PARVA: variants seen among roughly 807,000 people sequenced by gnomAD.
PARVA encodes parvin alpha.
PARVA carries 25 observed loss-of-function variants against 52.6 expected under a neutral mutation model. That is an observed-to-expected ratio of 0.48 (90% CI 0.35 to 0.66). PARVA has a LOEUF of 0.66. Among genes scored for constraint, PARVA ranks in the 30% least tolerant of loss-of-function variants. The pLI is 0.01. For missense variants in PARVA, 373 were observed against 450.9 expected (o/e 0.83, Z 1.56); for synonymous variants, 185 against 179.1 (o/e 1.03, Z -0.26).
chr11:12,405,232 G>C (rs1354143044), intron 1 of PARVA, among the ~76,000 whole-genome samples: 1 of 152,188 alleles, frequency 6.6e-6, no homozygotes, highest in Non-Finnish European at 1.5e-5. Flanking sequence ...TCAGATTTTT[G>C]ATGTGAGATG....
chr11:12,470,873 T>TG (rs757557818), intron 1 of PARVA, among the ~76,000 whole-genome samples: 7 of 151,752 alleles, frequency 4.6e-5, no homozygotes, highest in Non-Finnish European at 1.0e-4. Flanking sequence ...TAGGTGAGAG[T>TG]GGGGGAAATG....
At chr11:12,378,714 G>C (rs1328103609) in intron 1 of PARVA, among the ~76,000 whole-genome samples, 1 of 151,138 alleles carries the variant, frequency 6.6e-6, no homozygotes, top group Non-Finnish European at 1.5e-5. Context: ...TGTGTAGATA[G>C]AAGTTGCTGA....
chr11:12,383,449 A>T (rs1049674012), intron 1 of PARVA, among the ~76,000 whole-genome samples: 3 of 152,184 alleles, frequency 2.0e-5, no homozygotes, highest in African/African-American at 7.2e-5. Context: ...TTACATTTTG[A>T]TCAGGACCTG....
At chr11:12,379,825 T>G (rs1188127137) in intron 1 of PARVA, among the ~76,000 whole-genome samples, 1 of 152,228 alleles carries the variant, frequency 6.6e-6, no homozygotes, top group East Asian at 1.9e-4. Flanking sequence ...TGGTGGCAAA[T>G]CATGAAACCC....
chr11:12,485,264 G>T (rs1941143766), intron 4 of PARVA, among the ~76,000 whole-genome samples: 1 of 152,158 alleles, frequency 6.6e-6, no homozygotes, highest in African/African-American at 2.4e-5. Flanking sequence ...TAGAGTCCAG[G>T]AGCCAGTGGG....
At chr11:12,484,599 TAATC>T (rs1430837076) in intron 4 of PARVA, among the ~76,000 whole-genome samples, 10 of 151,532 alleles carry the variant, frequency 6.6e-5, no homozygotes, top group Admixed American at 4.6e-4. Context: ...ACACTGATCT[TAATC>T]AGTCAGATAA....
chr11:12,480,532 A>G (rs1941073084), intron 4 of PARVA: 1 of 152,198 alleles, frequency 6.6e-6, no homozygotes, highest in Admixed American at 6.5e-5. Flanking sequence ...ACATGGCCAC[A>G]GAGTAATGGA....
intron 4 of PARVA, among the ~76,000 whole-genome samples, chr11:12,494,432 A>G (rs1177396377): frequency 6.6e-6 from 1 of 152,188 alleles, no homozygotes; most frequent in African/African-American, 2.4e-5. Flanking sequence ...CCTCATTAAC[A>G]TAAACTCAGA....
intron 1 of PARVA, among the ~76,000 whole-genome samples, chr11:12,421,495 T>G (rs1940149135): frequency 6.6e-6 from 1 of 152,148 alleles, no homozygotes; most frequent in Non-Finnish European, 1.5e-5. Flanking sequence ...TCTTATACCT[T>G]TGAAGTGATT....
chr11:12,477,559 G>C (rs1941031877), intron 3 of PARVA, among the ~76,000 whole-genome samples: 1 of 152,154 alleles, frequency 6.6e-6, no homozygotes, highest in South Asian at 2.1e-4. Context: ...CACACACTGG[G>C]TTATGTGGAT....
chr11:12,417,549 G>C (rs1187956075), intron 1 of PARVA, among the ~76,000 whole-genome samples: 2 of 152,110 alleles, frequency 1.3e-5, no homozygotes, highest in African/African-American at 4.8e-5. Context: ...TAATTTTTCT[G>C]TCTGCATTTT....
chr11:12,508,705 A>G (rs1036685429), intron 7 of PARVA, 63 bp downstream of exon 7: 7 of 1,223,420 alleles, frequency 5.7e-6, no homozygotes, highest in African/African-American at 4.5e-5. Flanking sequence ...TCTGAAATTC[A>G]TCCATTTGCT....
At chr11:12,471,382 TTTTAAC>T (rs1940932207) in intron 1 of PARVA, among the ~76,000 whole-genome samples, 2 of 152,200 alleles carry the variant, frequency 1.3e-5, no homozygotes, top group Non-Finnish European at 2.9e-5. Context: ...AAATTTTATT[TTTTAAC>T]TTTAAGTTCA....
In PARVA at chr11:12,531,399, A is replaced by G. The variant is rs534954886; in HGVS notation, c.*3474A>G. ...CAGAGTATACTTGAAGCTTATTTGC[A>G]TCAACAGTATTCTGGAGCTGTAATT... On this transcript the variant is annotated 3_prime_UTR_variant, in exon 13 of 13. Transcript: ENST00000334956. Among the ~76,000 whole-genome samples, 4 of 152,306 alleles carry G rather than the reference A, an allele frequency of 2.6e-5. No homozygotes were observed. Among genetic ancestry groups the G allele is most frequent in the South Asian group, 4.1e-4 (2 of 4,830 alleles).
Position 12,505,804 on chromosome 11 carries a change from CAAT to C in PARVA, c.657+1376_657+1378del, listed in dbSNP as rs548443730. Among the ~76,000 whole-genome samples the C allele has an allele frequency of 2.2e-3, 333 of 152,252 alleles. 1 individual carries two copies. The highest frequency in any genetic ancestry group is 3.3e-3 in the Non-Finnish European group (222 of 68,022). On this transcript the variant is annotated intron_variant, in intron 6 of 12. Transcript: ENST00000334956. ...TCTCTGTCATGTTATTTTTACCAAT[CAAT>C]GATGTGTGAATGCAATTCTTTATGT...
chr11:12,396,018 T>A lies in PARVA; in HGVS notation c.136+18235T>A, dbSNP rs544769874. On this transcript the variant is annotated intron_variant, in intron 1 of 12. Coordinates refer to ENST00000334956, the MANE Select transcript of PARVA (RefSeq NM_018222.5). ...CATCTTCAGCATCTTTTCCTTTTAT[T>A]TGTATACGTATCCAACATATGTCAA... Among the ~76,000 whole-genome samples, 7 of 152,328 alleles carry A rather than the reference T, an allele frequency of 4.6e-5. No individual in the cohort carries two copies. In the South Asian group the frequency reaches 1.4e-3, roughly 32 times the overall value.
intron 4 of PARVA, among the ~76,000 whole-genome samples, chr11:12,482,283 A>T (rs1941098730): frequency 1.3e-5 from 2 of 152,102 alleles, no homozygotes; most frequent in African/African-American, 4.8e-5. Context: ...GCAGTGTATT[A>T]GTCTGTTCTC....
chr11:12,386,015 C>G (rs1939567919), intron 1 of PARVA, among the ~76,000 whole-genome samples: 1 of 152,212 alleles, frequency 6.6e-6, no homozygotes, highest in Non-Finnish European at 1.5e-5. Context: ...CACAAGTGCT[C>G]TGGATTGTTC....
chr11:12,498,878 A>G (rs1467839311), intron 5 of PARVA, among the ~76,000 whole-genome samples: 1 of 152,116 alleles, frequency 6.6e-6, no homozygotes, highest in East Asian at 1.9e-4. Context: ...GGCCCAAGTC[A>G]TATACATTTT....
Sources: allele counts gnomAD v4.1 joint callset (sites outside exome capture counted in the v4.1 genomes callset), GRCh38; gene constraint gnomAD v4.1.1; transcripts MANE v1.5; gene names NCBI Gene and HGNC (gene_info 2026-07-23, HGNC 2026-07-21).